The following CERCAM variants were observed in gnomAD, a reference collection of about 807,000 sequenced individuals.
The protein encoded by CERCAM is inactive glycosyltransferase 25 family member 3.
Under a neutral mutation model 66.0 loss-of-function variants are expected in CERCAM, and 59 were observed. The observed-to-expected ratio is 0.89, with a 90% CI of 0.73 to 1.11. The LOEUF (loss-of-function observed/expected upper bound fraction) is 1.11, where lower values mean the gene tolerates loss of function less well. CERCAM is among the 50% of genes most tolerant of loss of function. The pLI is 0.00. For missense variants in CERCAM, 840 were observed against 828.3 expected (o/e 1.01, Z -0.17); for synonymous variants, 318 against 343.6 (o/e 0.93, Z 0.83).
At chr9:128,436,016 C>T in intron 12 of CERCAM, 111 bp downstream of exon 12, 1 of 1,142,050 alleles carries the variant, frequency 8.8e-7, no homozygotes, top group Non-Finnish European at 1.2e-6. Flanking sequence ...TTCTCTCTCC[C>T]TCTCCATCTC....
At position 128,434,325 on chromosome 9, in the gene CERCAM, G is replaced by A. The variant is rs1834054172; in HGVS notation, c.1332-85G>A. ...ACCCTGGCCGGCCCATCCCCTGAGA[G>A]CCTGGCCCTGTAGGAGCGGGTGTGG... On this transcript the variant is annotated intron_variant, in intron 10 of 12. Coordinates refer to ENST00000372838, the MANE Select transcript of CERCAM (RefSeq NM_016174.5). This position sits in a 1 kb window ranked among gnomAD's most constrained non-coding sequence, Gnocchi z 4.5. 6.2e-7 allele frequency: 1 copy of A among 1,603,434 alleles called. No individual in the cohort carries two copies. The highest frequency in any genetic ancestry group is 1.3e-5 in the African/African-American group (1 of 74,686).
chr9:128,429,554 C>T (rs1833926893), intron 8 of CERCAM, among the ~76,000 whole-genome samples: 1 of 152,202 alleles, frequency 6.6e-6, no homozygotes, highest in Non-Finnish European at 1.5e-5. Context: ...CACCAGGGGT[C>T]CTATGGCCCC....
chr9:128,436,030 C>A, intron 12 of CERCAM, 125 bp downstream of exon 12: 1 of 1,090,164 alleles, frequency 9.2e-7, no homozygotes, highest in Non-Finnish European at 1.3e-6. Context: ...CCATCTCTAG[C>A]TTTGCCTTTA....
intron 9 of CERCAM, 40 bp downstream of exon 9, chr9:128,431,343 G>T: frequency 6.2e-7 from 1 of 1,611,354 alleles, no homozygotes. Context: ...CCTTCGGGGA[G>T]AACGGGGCCA....
In CERCAM at chr9:128,434,222, G is replaced by A. The variant is rs771784043; in HGVS notation, c.1324G>A (p.Asp442Asn). The A allele has an allele frequency of 6.2e-7, 1 of 1,614,044 alleles. No homozygotes were observed. Among genetic ancestry groups the A allele is most frequent in the Non-Finnish European group, 8.5e-7 (1 of 1,179,972 alleles). The change falls in exon 10 of 13, where the codon GAC becomes AAC. Residue 442 changes from aspartate to asparagine, a missense_variant. Asp to Asn is a conservative substitution (Grantham distance 23). Coordinates refer to ENST00000372838, the MANE Select transcript of CERCAM (RefSeq NM_016174.5). This position sits in a 1 kb window ranked among gnomAD's most constrained non-coding sequence, Gnocchi z 4.5. ...TGTGGAGGCAGAGAAACTGTCTTGG[G>A]ACCTGATGTAGGCAGCCTGCACCCT... ...EDVEAEKLSW[D>N]LIYLGRKQVN...
At chr9:128,427,121 G>GT (rs200800419) in intron 5 of CERCAM, among the ~76,000 whole-genome samples, 13 of 151,056 alleles carry the variant, frequency 8.6e-5, no homozygotes, top group East Asian at 1.9e-4. Context: ...TTTTTTGTTT[G>GT]TTTTTTTTTA....
chr9:128,422,099 G>C (rs1044952786), intron 1 of CERCAM: 2 of 152,314 alleles, frequency 1.3e-5, no homozygotes, highest in African/African-American at 4.8e-5. Context: ...ATTACAACCT[G>C]GGGGTGGAGG....
At position 128,431,264 on chromosome 9, in the gene CERCAM, G is replaced by C; in HGVS notation, c.1164G>C (p.Glu388Asp). ...CGGGCCGCACTCTGACCAAGGGCGAGGTGGGCTGCTTCCTCAGCCATTACT... is the reference window on the plus strand; with the variant it reads ...CGGGCCGCACTCTGACCAAGGGCGACGTGGGCTGCTTCCTCAGCCATTACT... ...PYSGRTLTKGEVGCFLSHYSI... is the reference protein window; with the variant it reads ...PYSGRTLTKGDVGCFLSHYSI... The change falls in exon 9 of 13, where the codon GAG becomes GAC. Residue 388 changes from glutamate to aspartate, a missense_variant. Coordinates refer to ENST00000372838, the MANE Select transcript of CERCAM (RefSeq NM_016174.5). The C allele has an allele frequency of 6.2e-7, 1 of 1,614,114 alleles. No homozygotes were observed. Among genetic ancestry groups the C allele is most frequent in the African/African-American group, 1.3e-5 (1 of 75,058 alleles).
intron 1 of CERCAM, 132 bp downstream of exon 1, chr9:128,421,206 GGCCCT>G: frequency 8.1e-7 from 1 of 1,236,492 alleles, no homozygotes; most frequent in East Asian, 3.2e-5. Context: ...CCTCACAGAC[GGCCCT>G]GCCAGCCCGA....
At chr9:128,429,329 T>G (rs1372076151) in intron 8 of CERCAM, among the ~76,000 whole-genome samples, 1 of 152,162 alleles carries the variant, frequency 6.6e-6, no homozygotes, top group Non-Finnish European at 1.5e-5. Flanking sequence ...TACCCCCATC[T>G]CTCAGCCCGT....
chr9:128,421,160 G>C (rs1253531251), intron 1 of CERCAM, 86 bp downstream of exon 1: 1 of 1,256,974 alleles, frequency 8.0e-7, no homozygotes. Flanking sequence ...CTGTCTGCTC[G>C]CTCCCTGCCC....
intron 8 of CERCAM, among the ~76,000 whole-genome samples, chr9:128,430,403 CA>C (rs1254382163): frequency 6.6e-6 from 1 of 151,032 alleles, no homozygotes; most frequent in Non-Finnish European, 1.5e-5. Context: ...GACTCTGTCT[CA>C]AAAAAAATTT....
intron 1 of CERCAM, chr9:128,421,910 T>A (rs965560933): frequency 2.0e-5 from 3 of 152,204 alleles, no homozygotes; most frequent in African/African-American, 7.2e-5. Flanking sequence ...TGACACGTAG[T>A]CTTCATTTCT....
intron 5 of CERCAM, among the ~76,000 whole-genome samples, chr9:128,426,465 G>A (rs1336339285): frequency 3.3e-5 from 5 of 151,420 alleles, no homozygotes; most frequent in Non-Finnish European, 5.9e-5. Flanking sequence ...CTAAAAATAC[G>A]AAAAATTAGC....
rs974652135 is a variant in CERCAM, at chr9:128,420,888, C to T, written c.11C>T (p.Ala4Val). The T allele has an allele frequency of 1.0e-4, 135 of 1,304,570 alleles. No individual in the cohort carries two copies. Among genetic ancestry groups the T allele is most frequent in the Non-Finnish European group, 1.3e-4 (131 of 1,029,044 alleles). The allele number at this position is 1,304,570 out of a possible 1,614,324, so 80.8% of individuals were successfully genotyped here. A position where few individuals can be genotyped will look rare whatever the true frequency, so the allele number is the denominator to read the frequency against. ...GCCCAAGCGCCCGCCATGCGCGCTG[C>T]CCGCGCCGCGCCGCTGCTCCAGCTG... The part of the protein sequence containing the change: MRA[A>V]RAAPLLQLLL... The change falls in exon 1 of 13, where the codon GCC becomes GTC. Residue 4 changes from alanine to valine, a missense_variant. By Grantham distance (64) the Ala-to-Val change is moderately conservative. Coordinates refer to ENST00000372838, the MANE Select transcript of CERCAM (RefSeq NM_016174.5). This position sits in a 1 kb window ranked among gnomAD's most constrained non-coding sequence, Gnocchi z 5.0.
At chr9:128,421,605 G>C in intron 1 of CERCAM, 1 of 863,518 alleles carries the variant, frequency 1.2e-6, no homozygotes, top group Non-Finnish European at 1.4e-6. Context: ...TCTCTTGGTA[G>C]ATCTTGGTAG....
intron 1 of CERCAM, chr9:128,421,467 C>T: frequency 1.0e-6 from 1 of 1,001,516 alleles, no homozygotes; most frequent in South Asian, 4.7e-5. Flanking sequence ...TCCACTGGGG[C>T]CCAACGTGGC....
Position 128,434,115 on chromosome 9 carries a change from G to A in CERCAM, c.1217G>A (p.Gly406Asp), listed in dbSNP as rs773799994. 1.9e-6 allele frequency: 3 copies of A among 1,614,136 alleles called. No individual in the cohort carries two copies. Among genetic ancestry groups the A allele is most frequent in the South Asian group, 1.1e-5 (1 of 91,080 alleles). Residue 406 changes from glycine (G) to aspartate (D), a missense_variant, in exon 10 of 13, where the codon GGC becomes GAC. Coordinates refer to ENST00000372838, the MANE Select transcript of CERCAM (RefSeq NM_016174.5). The surrounding 1 kb of genome is among the most constrained non-coding windows in gnomAD (Gnocchi z 4.5). ...TGTATGCCACAGGTGGTTGCCAGGG[G>A]CCTGGCCCGGGTCCTGGTGTTTGAG... Reference protein sequence around the residue: ...YSIWEEVVARGLARVLVFEDD... With the variant: ...YSIWEEVVARDLARVLVFEDD...
At position 128,422,542 on chromosome 9, in the gene CERCAM, T is replaced by G. The variant is rs1833734244; in HGVS notation, c.198-326T>G. On this transcript the variant is annotated intron_variant, in intron 1 of 12. Coordinates refer to ENST00000372838, the MANE Select transcript of CERCAM (RefSeq NM_016174.5). ...GAGATCATACCACTGCACTACAGCCTGGGCGACAGAGCAAGATTCCATCTC... is the reference window on the plus strand; with the variant it reads ...GAGATCATACCACTGCACTACAGCCGGGGCGACAGAGCAAGATTCCATCTC... 9 of 248,004 alleles carry G rather than the reference T, an allele frequency of 3.6e-5. No individual in the cohort carries two copies. The South Asian group carries it at 6.2e-4, about 17-fold the overall frequency. The allele number at this position is 248,004 out of a possible 1,614,324, so 15.4% of individuals were successfully genotyped here.
Sources: allele counts gnomAD v4.1 joint callset (sites outside exome capture counted in the v4.1 genomes callset), GRCh38; gene constraint gnomAD v4.1.1; non-coding constraint Gnocchi (gnomAD v3.1); transcripts MANE v1.5; gene names NCBI Gene and HGNC (gene_info 2026-07-23, HGNC 2026-07-21).